The following HTR3E variants were observed in gnomAD, a reference collection of about 807,000 sequenced individuals.
The protein encoded by HTR3E is 5-hydroxytryptamine receptor 3E, also known as 5-hydroxytryptamine (serotonin) receptor 3, family member E.
HTR3E carries 38 observed loss-of-function variants against 38.0 expected under a neutral mutation model. The ratio of observed to expected loss-of-function variants is 1.00; its 90% CI spans 0.77 to 1.31. HTR3E has a LOEUF of 1.31. HTR3E is among the 50% of genes most tolerant of loss of function. The probability of loss-of-function intolerance (pLI) is 0.00; values close to 1 mark genes in which losing one functional copy is unlikely to be tolerated. For synonymous variants in HTR3E, 210 were observed against 232.9 expected (o/e 0.90, Z 0.89); for missense variants, 547 against 585.2 (o/e 0.93, Z 0.67).
chr3:184,099,470 T>TCACAG (rs1577006033), intron 1 of HTR3E, among the ~76,000 whole-genome samples: 1 of 151,594 alleles, frequency 6.6e-6, no homozygotes, highest in East Asian at 2.0e-4. Flanking sequence ...ATCCCAGCAC[T>TCACAG]TTGGGAGGCC....
Position 184,105,443 on chromosome 3 carries a change from C to T in HTR3E, c.720+16C>T. 2 of 1,584,398 alleles carry T rather than the reference C, an allele frequency of 1.3e-6. No individual in the cohort carries two copies. Among genetic ancestry groups the T allele is most frequent in the Non-Finnish European group, 1.7e-6 (2 of 1,167,046 alleles). On this transcript the variant is annotated intron_variant, in intron 6 of 8. Transcript: ENST00000415389. ...CGTGTTCTATGTGAGCTTGGAGGCT[C>T]TTACTCTTTCCTTCCTCCCGCACTT...
In HTR3E at chr3:184,097,469, G is replaced by A. The variant is rs1281009337; in HGVS notation, c.-61G>A. 7.9e-7 allele frequency: 1 copy of A among 1,260,558 alleles called. No individual in the cohort carries two copies. Among genetic ancestry groups the A allele is most frequent in the Non-Finnish European group, 1.1e-6 (1 of 896,308 alleles). The allele number at this position is 1,260,558 out of a possible 1,614,324, so 78.1% of individuals were successfully genotyped here. Reference sequence around the variant, plus strand: ...TCAGACTCTAGGTGTGGCCTGTGCTGCTTTAATCTGGGCATTCCTGGGTCC... The same window carrying A: ...TCAGACTCTAGGTGTGGCCTGTGCTACTTTAATCTGGGCATTCCTGGGTCC... On this transcript the variant is annotated 5_prime_UTR_variant, in exon 1 of 9. Coordinates refer to ENST00000415389, the MANE Select transcript of HTR3E (RefSeq NM_001256613.2).
At position 184,104,821 on chromosome 3, in the gene HTR3E, G is replaced by A; in HGVS notation, c.424G>A (p.Ala142Thr). ...DVDKTPKGLT[A>T]YVSNEGRIRY... Reference sequence around the variant, plus strand: ...GGATAAGACCCCAAAAGGCCTCACAGCATATGTAAGTAATGAAGGTCGCAT... The same window carrying A: ...GGATAAGACCCCAAAAGGCCTCACAACATATGTAAGTAATGAAGGTCGCAT... The change falls in exon 5 of 9, where the codon GCA becomes ACA. Residue 142 changes from alanine to threonine, a missense_variant. Coordinates refer to ENST00000415389, the MANE Select transcript of HTR3E (RefSeq NM_001256613.2). 6.2e-7 allele frequency: 1 copy of A among 1,613,732 alleles called. No homozygotes were observed. The highest frequency in any genetic ancestry group is 1.3e-5 in the African/African-American group (1 of 74,802).
Position 184,104,874 on chromosome 3 carries a change from C to A in HTR3E, c.477C>A (p.Asp159Glu). 6.2e-7 allele frequency: 1 copy of A among 1,614,050 alleles called. No individual in the cohort carries two copies. The highest frequency in any genetic ancestry group is 1.3e-5 in the African/African-American group (1 of 75,026). The change falls in exon 5 of 9, where the codon GAC (aspartate) becomes GAA (glutamate). Residue 159 changes from aspartate (D) to glutamate (E), a missense_variant. Coordinates refer to ENST00000415389, the MANE Select transcript of HTR3E (RefSeq NM_001256613.2). ...RIRYKKPMKV[D>E]SICNLDIFYF... ...GGTATAAGAAACCCATGAAGGTGGA[C>A]AGTATCTGTAACCTGGACATCTTCT...
At chr3:184,101,046 C>T (rs183259282) in intron 2 of HTR3E, among the ~76,000 whole-genome samples, 3 of 152,250 alleles carry the variant, frequency 2.0e-5, no homozygotes, top group East Asian at 3.9e-4. Context: ...TGGGCTCAAG[C>T]GATTCTCCTG....
At chr3:184,103,498 A>G (rs1382951992) in intron 3 of HTR3E, among the ~76,000 whole-genome samples, 2 of 151,784 alleles carry the variant, frequency 1.3e-5, no homozygotes, top group Admixed American at 6.6e-5. Flanking sequence ...GCGTGGTGGC[A>G]GGCGCCTGTA....
chr3:184,099,525 T>C (rs1711856828), intron 1 of HTR3E, among the ~76,000 whole-genome samples: 1 of 151,448 alleles, frequency 6.6e-6, no homozygotes, highest in African/African-American at 2.4e-5. Flanking sequence ...CCATCCTGGC[T>C]AACAAGGTGA....
In HTR3E at chr3:184,104,850, G is replaced by C. The variant is rs1455811626; in HGVS notation, c.453G>C (p.Arg151Ser). ...ATGTAAGTAATGAAGGTCGCATCAG[G>C]TATAAGAAACCCATGAAGGTGGACA... is the stretch of plus-strand genomic sequence containing the variant. ...TAYVSNEGRI[R>S]YKKPMKVDSI... is the part of the protein sequence containing the mutation. The change falls in exon 5 of 9, where the codon AGG (arginine) becomes AGC (serine). Residue 151 changes from arginine (R) to serine (S), a missense_variant. Coordinates refer to ENST00000415389, the MANE Select transcript of HTR3E (RefSeq NM_001256613.2). 6.2e-7 allele frequency: 1 copy of C among 1,613,938 alleles called. No homozygotes were observed. Among genetic ancestry groups the C allele is most frequent in the Non-Finnish European group, 8.5e-7 (1 of 1,179,996 alleles).
intron 3 of HTR3E, 121 bp from the exon 4 acceptor site, chr3:184,104,061 C>T: frequency 1.8e-6 from 1 of 569,294 alleles, no homozygotes; most frequent in Non-Finnish European, 2.8e-6. Flanking sequence ...GTTGTAAATA[C>T]ATAGATGTTT....
Position 184,097,260 on chromosome 3 carries a change from A to T in HTR3E, c.-270A>T, listed in dbSNP as rs1294797952. Reference sequence around the variant, plus strand: ...CTTCAGACCAAGGGATCTCACCAAGATCTGCAAGTTGATCACGTATGAACT... The same window carrying T: ...CTTCAGACCAAGGGATCTCACCAAGTTCTGCAAGTTGATCACGTATGAACT... On this transcript the variant is annotated 5_prime_UTR_variant, in exon 1 of 9. Coordinates refer to ENST00000415389, the MANE Select transcript of HTR3E (RefSeq NM_001256613.2). The T allele has an allele frequency of 1.1e-5, 3 of 280,884 alleles. No homozygotes were observed. Among genetic ancestry groups the T allele is most frequent in the Non-Finnish European group, 2.0e-5 (3 of 150,262 alleles). The allele number at this position is 280,884 out of a possible 1,614,324, so 17.4% of individuals were successfully genotyped here. A position where few individuals can be genotyped will look rare whatever the true frequency, so the allele number is the denominator to read the frequency against.
At chr3:184,099,744 AG>A (rs1467944883) in intron 1 of HTR3E, among the ~76,000 whole-genome samples, 11 of 141,054 alleles carry the variant, frequency 7.8e-5, no homozygotes, top group African/African-American at 2.9e-4. Context: ...AAAAAAAGAA[AG>A]AAATATGCAC....
At chr3:184,098,488 G>A (rs891861015) in intron 1 of HTR3E, among the ~76,000 whole-genome samples, 1 of 152,188 alleles carries the variant, frequency 6.6e-6, no homozygotes, top group Non-Finnish European at 1.5e-5. Flanking sequence ...CCAGCACAGG[G>A]AAGAGACACA....
chr3:184,098,762 G>A (rs371851795), intron 1 of HTR3E, among the ~76,000 whole-genome samples: 48 of 152,234 alleles, frequency 3.2e-4, no homozygotes, highest in African/African-American at 1.0e-3. Context: ...AGGGTGGGAC[G>A]GGTCAGGTGA....
intron 3 of HTR3E, among the ~76,000 whole-genome samples, chr3:184,102,235 G>C (rs1712092839): frequency 6.6e-6 from 1 of 152,066 alleles, no homozygotes; most frequent in South Asian, 2.1e-4. Flanking sequence ...GGCCAAGGTG[G>C]GTGGATTGCT....
In HTR3E at chr3:184,106,124, C is replaced by G. The variant is rs772044613; in HGVS notation, c.926-4C>G. 4.3e-6 allele frequency: 7 copies of G among 1,613,466 alleles called. No individual in the cohort carries two copies. The highest frequency in any genetic ancestry group is 5.9e-6 in the Non-Finnish European group (7 of 1,180,006). ...GGCCCTCACTAGGCCCCCCTTCCCT[C>G]CAGGTGTCTACTTCGCCCTGTGCCT... On this transcript the variant is annotated splice_region_variant and splice_polypyrimidine_tract_variant and intron_variant, in intron 7 of 8. Coordinates refer to ENST00000415389, the MANE Select transcript of HTR3E (RefSeq NM_001256613.2). This position sits in a 1 kb window ranked among gnomAD's most constrained non-coding sequence, Gnocchi z 4.1.
rs1711991029 is a variant in HTR3E at position 184,100,781 on chromosome 3, T to G, written c.234+130T>G. On this transcript the variant is annotated intron_variant, in intron 2 of 8. Coordinates refer to ENST00000415389, the MANE Select transcript of HTR3E (RefSeq NM_001256613.2). ...ACTGCTGGATGGCATTTGCCTGGCA[T>G]GGGGATCTCAAAGAAGCTCTGTCCA... 2.1e-5 allele frequency: 28 copies of G among 1,334,570 alleles called. No homozygotes were observed. The South Asian group carries it at 3.7e-4, about 18-fold the overall frequency. 82.7% of individuals were successfully genotyped at this position (1,334,570 alleles called of 1,614,324 possible). A position where few individuals can be genotyped will look rare whatever the true frequency, so the allele number is the denominator to read the frequency against.
chr3:184,100,135 C>T, intron 1 of HTR3E: 1 of 1,345,412 alleles, frequency 7.4e-7, no homozygotes, highest in Non-Finnish European at 9.5e-7. Context: ...TCATCTCATC[C>T]CTGGGGACGT....
chr3:184,100,658 G>A lies in HTR3E; in HGVS notation c.234+7G>A. On this transcript the variant is annotated splice_region_variant and intron_variant, in intron 2 of 8. Coordinates refer to ENST00000415389, the MANE Select transcript of HTR3E (RefSeq NM_001256613.2). Reference sequence around the variant, plus strand: ...GTCTGCCATCCTAGATGTGGTGAGTGCTGACCTCTCTAGCCCTCCTTGGTG... The same window carrying A: ...GTCTGCCATCCTAGATGTGGTGAGTACTGACCTCTCTAGCCCTCCTTGGTG... 6.2e-7 allele frequency: 1 copy of A among 1,612,866 alleles called. No homozygotes were observed. Among genetic ancestry groups the A allele is most frequent in the Non-Finnish European group, 8.5e-7 (1 of 1,179,276 alleles).
In HTR3E at chr3:184,104,880, C is replaced by A; in HGVS notation, c.483C>A (p.Ile161=). The change falls in exon 5 of 9, where the codon ATC becomes ATA. Residue 161 remains isoleucine, a synonymous_variant. Coordinates refer to ENST00000415389, the MANE Select transcript of HTR3E (RefSeq NM_001256613.2). ...AGAAACCCATGAAGGTGGACAGTAT[C>A]TGTAACCTGGACATCTTCTACTTCC... The part of the protein sequence containing the change: ...RYKKPMKVDS[I]CNLDIFYFPF... The A allele has an allele frequency of 6.2e-7, 1 of 1,614,104 alleles. No homozygotes were observed. Among genetic ancestry groups the A allele is most frequent in the Non-Finnish European group, 8.5e-7 (1 of 1,180,008 alleles).
Sources: gnomAD v4.1 joint callset for allele counts (sites outside exome capture counted in the v4.1 genomes callset) on GRCh38, gnomAD v4.1.1 for gene constraint, Gnocchi (gnomAD v3.1) non-coding constraint, MANE v1.5 for transcripts, NCBI Gene and HGNC (gene_info 2026-07-23, HGNC 2026-07-21) for gene names.